The following SHCBP1L variants were observed in gnomAD, a reference collection of about 807,000 sequenced individuals.
SHCBP1L encodes the protein testicular spindle-associated protein SHCBP1L.
A neutral mutation model predicts 62.5 loss-of-function variants in SHCBP1L; 67 were observed. That is an observed-to-expected ratio of 1.07 (90% confidence interval 0.88 to 1.31). The LOEUF is 1.31. Among genes scored for constraint, SHCBP1L ranks in the 40% most tolerant of loss-of-function variants. SHCBP1L has a pLI of 0.00. For synonymous variants in SHCBP1L, 284 were observed against 289.4 expected, an observed-to-expected ratio of 0.98 and a Z score of 0.19; for missense variants, 823 against 809.8, an observed-to-expected ratio of 1.02 and a Z score of -0.20.
At chr1:182,905,825 T>C (rs1649994181) in intron 6 of SHCBP1L, among the ~76,000 whole-genome samples, 176 bp from the exon 7 acceptor site, 2 of 152,220 alleles carry the variant, frequency 1.3e-5, no homozygotes, top group African/African-American at 2.4e-5. Context: ...ATAAAATGTT[T>C]CTTTACAATC....
At chr1:182,908,731 C>T (rs1391986916) in intron 6 of SHCBP1L, among the ~76,000 whole-genome samples, 1 of 152,240 alleles carries the variant, frequency 6.6e-6, no homozygotes, top group South Asian at 2.1e-4. Flanking sequence ...CTTTAGGAAA[C>T]ATTACTAGAC....
Position 182,953,023 on chromosome 1 carries a change from C to T in SHCBP1L, c.111G>A (p.Ala37=). The T allele has an allele frequency of 6.5e-7, 1 of 1,541,982 alleles. No homozygotes were observed. The highest frequency in any genetic ancestry group is 8.7e-7 in the Non-Finnish European group (1 of 1,148,596). ...GGATCGCGGTGCCCTTCAGGGTGGTCGCGGCCGCCGTGTCCCCGGAGACAG... is the reference window on the plus strand; with the variant it reads ...GGATCGCGGTGCCCTTCAGGGTGGTTGCGGCCGCCGTGTCCCCGGAGACAG... ...ASAVSGDTAA[A]TTLKGTAIPV... Residue 37 remains alanine (A), a synonymous_variant, in exon 1 of 10, where the codon GCG becomes GCA. Coordinates refer to ENST00000367547, the MANE Select transcript of SHCBP1L (RefSeq NM_030933.4).
chr1:182,951,593 G>T, intron 1 of SHCBP1L, 126 bp from the exon 2 acceptor site: 1 of 591,480 alleles, frequency 1.7e-6, no homozygotes, highest in Non-Finnish European at 2.6e-6. Flanking sequence ...AATAATGAAT[G>T]ACCTGGAAAA....
chr1:182,916,330 T>C (rs1650354721), intron 6 of SHCBP1L, among the ~76,000 whole-genome samples: 1 of 151,638 alleles, frequency 6.6e-6, no homozygotes, highest in African/African-American at 2.4e-5. Flanking sequence ...AAAAAGCAAA[T>C]TAAACCCAAA....
Position 182,913,703 on chromosome 1 carries a change from G to A in SHCBP1L, c.1183-8054C>T, listed in dbSNP as rs183574655. Among the ~76,000 whole-genome samples the A allele has an allele frequency of 6.5e-3, 982 of 152,026 alleles. 13 individuals are homozygous for A. Among genetic ancestry groups the A allele is most frequent in the South Asian group, 0.057 (272 of 4,804 alleles). On this transcript the variant is annotated intron_variant, in intron 6 of 9. Coordinates refer to ENST00000367547, the MANE Select transcript of SHCBP1L (RefSeq NM_030933.4). ...AAACAATTAAAATCCAAAGATAGGC[G>A]GGGCACAGTGGCTCACACCTGTAAT...
In SHCBP1L at chr1:182,900,028, C is replaced by T; in HGVS notation, c.1917G>A (p.Lys639=). 1 of 1,612,954 alleles carries T rather than the reference C, an allele frequency of 6.2e-7. No homozygotes were observed. Among genetic ancestry groups the T allele is most frequent in the Non-Finnish European group, 8.5e-7 (1 of 1,179,464 alleles). ...QNLNLEMNNN[K]IEANVKGDIR... ...TATCCCCCTTGACGTTTGCTTCTAT[C>T]TTATTATTATTCATTTCCAGATTCA... The change falls in exon 10 of 10, where the codon AAG becomes AAA. Residue 639 remains lysine, a synonymous_variant. Coordinates refer to ENST00000367547, the MANE Select transcript of SHCBP1L (RefSeq NM_030933.4).
rs187572405 is a variant in SHCBP1L at position 182,938,555 on chromosome 1, G to A, written c.1076+621C>T. Among the ~76,000 whole-genome samples the A allele has an allele frequency of 7.2e-5, 11 of 152,022 alleles. No individual in the cohort carries two copies. The East Asian group carries it at 9.7e-4, about 13-fold the overall frequency. On this transcript the variant is annotated intron_variant, in intron 5 of 9. Transcript: ENST00000367547. ...TGCTTACTGCAGCCTCAAACTCTTC[G>A]GCTCAAGTGATCCTCCTGCCTCAGC...
At chr1:182,951,202 A>C in intron 2 of SHCBP1L, 116 bp downstream of exon 2, 2 of 800,162 alleles carry the variant, frequency 2.5e-6, no homozygotes, top group Non-Finnish European at 1.8e-6. Flanking sequence ...CGGAAACTTA[A>C]AACAGAAGTA....
intron 6 of SHCBP1L, among the ~76,000 whole-genome samples, chr1:182,924,322 G>A (rs1463313971): frequency 6.9e-6 from 1 of 145,622 alleles, no homozygotes; most frequent in African/African-American, 2.5e-5. Flanking sequence ...TTTTTGAGAC[G>A]GAGTCTCGCT....
intron 9 of SHCBP1L, among the ~76,000 whole-genome samples, chr1:182,902,532 A>G (rs1649878822): frequency 6.6e-6 from 1 of 152,234 alleles, no homozygotes; most frequent in African/African-American, 2.4e-5. Context: ...TCACTAACAT[A>G]AAAGTTCATT....
chr1:182,925,070 GGGAAGGAAA>G (rs755423521), intron 6 of SHCBP1L, among the ~76,000 whole-genome samples: 13 of 146,758 alleles, frequency 8.9e-5, no homozygotes, highest in East Asian at 2.0e-4. Context: ...AGGGAAGGAA[GGGAAGGAAA>G]GGAAGGAAAG....
chr1:182,917,142 A>C (rs1164694314), intron 6 of SHCBP1L, among the ~76,000 whole-genome samples: 1 of 152,216 alleles, frequency 6.6e-6, no homozygotes, highest in East Asian at 1.9e-4. Flanking sequence ...CTGATAACAA[A>C]GCTAGACAAA....
At chr1:182,919,758 T>G (rs1443371094) in intron 6 of SHCBP1L, among the ~76,000 whole-genome samples, 1 of 152,166 alleles carries the variant, frequency 6.6e-6, no homozygotes, top group African/African-American at 2.4e-5. Context: ...GGGTGTTTGT[T>G]TTAACATTTA....
intron 5 of SHCBP1L, among the ~76,000 whole-genome samples, chr1:182,931,324 A>G (rs1229051211): frequency 1.3e-5 from 2 of 152,126 alleles, no homozygotes; most frequent in African/African-American, 2.4e-5. Context: ...AAACCACAGT[A>G]GTTTATCATG....
rs750256670 is a variant in SHCBP1L at position 182,953,122 on chromosome 1, G to T, written c.12C>A (p.Gly4=). 56 of 1,579,554 alleles carry T rather than the reference G, an allele frequency of 3.5e-5. No individual in the cohort carries two copies. Among genetic ancestry groups the T allele is most frequent in the Non-Finnish European group, 4.7e-5 (55 of 1,171,192 alleles). The part of the protein sequence containing the change: MAS[G]SKASVPADSF... ...AGTCCGCGGGCACCGAGGCCTTGGA[G>T]CCCGACGCCATCTCCTCAGCAGCCC... Residue 4 remains glycine, a synonymous_variant, in exon 1 of 10, where the codon GGC becomes GGA. Coordinates refer to ENST00000367547, the MANE Select transcript of SHCBP1L (RefSeq NM_030933.4).
intron 6 of SHCBP1L, among the ~76,000 whole-genome samples, chr1:182,917,069 C>G (rs113606613): frequency 1.3e-3 from 192 of 152,146 alleles, no homozygotes; most frequent in African/African-American, 4.5e-3. Flanking sequence ...GAATTAACAC[C>G]AATCTTTCCC....
chr1:182,947,086 AATT>A, intron 2 of SHCBP1L, among the ~76,000 whole-genome samples: 1 of 152,156 alleles, frequency 6.6e-6, no homozygotes, highest in East Asian at 1.9e-4. Flanking sequence ...AAAATACAAA[AATT>A]AGCCGGGCAT....
intron 6 of SHCBP1L, among the ~76,000 whole-genome samples, chr1:182,910,224 C>G (rs933108734): frequency 6.6e-6 from 1 of 152,142 alleles, no homozygotes; most frequent in Non-Finnish European, 1.5e-5. Context: ...AACACAGCAA[C>G]AAAGGAAATG....
rs752346929 is a variant in SHCBP1L, at chr1:182,932,468, ATTATTTATTTAT to A, written c.1077-2728_1077-2717del. The stretch of plus-strand genomic sequence containing the variant: ...TTCTAGGAATTTTTTATGGAATTTT[ATTATTTATTTAT>A]TTATTTATTTATTTATTTGAGTCAG... On this transcript the variant is annotated intron_variant, in intron 5 of 9. Coordinates refer to ENST00000367547, the MANE Select transcript of SHCBP1L (RefSeq NM_030933.4). 6.6e-5 allele frequency among the ~76,000 whole-genome samples: 10 copies of A among 151,148 alleles called. No individual in the cohort carries two copies. The East Asian group carries it at 9.7e-4, about 15-fold the overall frequency.
Sources: allele counts gnomAD v4.1 joint callset (sites outside exome capture counted in the v4.1 genomes callset), GRCh38; gene constraint gnomAD v4.1.1; transcripts MANE v1.5; gene names NCBI Gene and HGNC (gene_info 2026-07-23, HGNC 2026-07-21).